PLAT: variants seen among roughly 807,000 people sequenced by gnomAD.
PLAT encodes plasminogen activator, tissue type, also known as tissue-type plasminogen activator.
In PLAT, 48 loss-of-function variants were observed where a neutral mutation model predicts 74.9. The observed-to-expected ratio is 0.64, with a 90% CI of 0.51 to 0.82. The LOEUF (loss-of-function observed/expected upper bound fraction) is 0.82, where lower values mean the gene tolerates loss of function less well. Among genes scored for constraint, PLAT ranks in the 40% least tolerant of loss-of-function variants. The pLI, the probability that PLAT is intolerant of heterozygous loss-of-function variation, is 0.00. For synonymous variants in PLAT, 307 were observed against 294.4 expected, an observed-to-expected ratio of 1.04 and a Z score of -0.44; for missense variants, 673 against 736.2, an observed-to-expected ratio of 0.91 and a Z score of 0.99.
chr8:42,205,682 C>T (rs3020638), intron 1 of PLAT, among the ~76,000 whole-genome samples: 6 of 152,202 alleles, frequency 3.9e-5, no homozygotes, highest in Non-Finnish European at 7.3e-5. Context: ...GCCCCTACTT[C>T]GAGTTGTCCT....
intron 4 of PLAT, 84 bp downstream of exon 4, chr8:42,188,849 TC>T (rs1277130661): frequency 1.7e-6 from 2 of 1,204,154 alleles, no homozygotes; most frequent in African/African-American, 1.5e-5. Context: ...GGTCTTGAAC[TC>T]CCGGGCTCCA....
intron 1 of PLAT, among the ~76,000 whole-genome samples, chr8:42,202,470 G>A (rs1439579947): frequency 3.9e-5 from 6 of 152,092 alleles, no homozygotes; most frequent in Non-Finnish European, 7.4e-5. Flanking sequence ...AAGCTGCAGG[G>A]ATGTCCTCCT....
At chr8:42,192,481 G>A (rs1805724899) in intron 2 of PLAT, among the ~76,000 whole-genome samples, 1 of 152,186 alleles carries the variant, frequency 6.6e-6, no homozygotes, top group Admixed American at 6.5e-5. Context: ...GCTGCAGTGA[G>A]CTATGATTGT....
In PLAT at chr8:42,191,404, G is replaced by A; in HGVS notation, c.83C>T (p.Ala28Val). ...VFVSPSQEIHARFRRGARSYQ... is the reference protein window; with the variant it reads ...VFVSPSQEIHVRFRRGARSYQ... ...AGATCTGGCTCCTCTTCTGAATCGG[G>A]CATGGATTTCCTGCGAAGAAACCAG... Residue 28 changes from alanine (A) to valine (V), a missense_variant, in exon 3 of 14, where the codon GCC becomes GTC. Ala to Val is a moderately conservative substitution (Grantham distance 64). Coordinates refer to ENST00000220809, the MANE Select transcript of PLAT (RefSeq NM_000930.5). 8 of 1,614,054 alleles carry A rather than the reference G, an allele frequency of 5.0e-6. No homozygotes were observed. Among genetic ancestry groups the A allele is most frequent in the Non-Finnish European group, 6.8e-6 (8 of 1,179,930 alleles).
chr8:42,180,702 G>C lies in PLAT; in HGVS notation c.890-17C>G, dbSNP rs1417625656. The C allele has an allele frequency of 1.9e-6, 3 of 1,546,392 alleles. No individual in the cohort carries two copies. The highest frequency in any genetic ancestry group is 1.3e-5 in the South Asian group (1 of 79,612). On this transcript the variant is annotated splice_polypyrimidine_tract_variant and intron_variant, in intron 9 of 13. Coordinates refer to ENST00000220809, the MANE Select transcript of PLAT (RefSeq NM_000930.5). ...CGCAGGTGGCTGGGGAGGAAAGGAC[G>C]AGGAGGCAGTCAGTCCCACAGGCCT...
In PLAT at chr8:42,180,297, G is replaced by A. The variant is rs8178781; in HGVS notation, c.1167C>T (p.Val389=). Residue 389 remains valine, a synonymous_variant, in exon 11 of 14, where the codon GTC becomes GTT. Transcript: ENST00000220809. Reference sequence around the variant, plus strand: ...ATTCCTTATGGACAATGTATTTTTCGACTTCAAATTTCTGCTCCTCCTCGC... The same window carrying A: ...ATTCCTTATGGACAATGTATTTTTCAACTTCAAATTTCTGCTCCTCCTCGC... ...VPGEEEQKFE[V]EKYIVHKEFD... is the part of the protein sequence containing the mutation. The A allele has an allele frequency of 6.2e-7, 1 of 1,614,022 alleles. No homozygotes were observed. The highest frequency in any genetic ancestry group is 8.5e-7 in the Non-Finnish European group (1 of 1,179,994).
intron 1 of PLAT, among the ~76,000 whole-genome samples, chr8:42,200,832 C>CTT (rs939148071): frequency 6.8e-6 from 1 of 146,914 alleles, no homozygotes. Context: ...CCAATTGTAA[C>CTT]TTTTTTTTTT....
At chr8:42,183,846 T>C (rs1045610905) in intron 7 of PLAT, among the ~76,000 whole-genome samples, 4 of 152,126 alleles carry the variant, frequency 2.6e-5, no homozygotes, top group African/African-American at 9.7e-5. Context: ...CCCGTGGACC[T>C]GGGTGCTGAA....
chr8:42,193,318 G>T (rs1027239912), intron 1 of PLAT, 107 bp from the exon 2 acceptor site: 10 of 686,028 alleles, frequency 1.5e-5, no homozygotes, highest in Non-Finnish European at 2.3e-5. Flanking sequence ...TCCAGTGCCA[G>T]CCCCGCGGCA....
At chr8:42,188,088 C>T in intron 4 of PLAT, 72 bp from the exon 5 acceptor site, 1 of 864,202 alleles carries the variant, frequency 1.2e-6, no homozygotes, top group Non-Finnish European at 1.9e-6. Flanking sequence ...TTCCAGGAGC[C>T]CTGTCTACCA....
Position 42,179,906 on chromosome 8 carries a change from C to T in PLAT, c.1363+20G>A, listed in dbSNP as rs2129700301. Reference sequence around the variant, plus strand: ...TGCTGTCCCGCAGACAGGATGGGGCCGAGACTTCCTTCCACTTACAGGCCT... The same window carrying T: ...TGCTGTCCCGCAGACAGGATGGGGCTGAGACTTCCTTCCACTTACAGGCCT... On this transcript the variant is annotated intron_variant, in intron 12 of 13. Transcript: ENST00000220809. 2 of 1,561,614 alleles carry T rather than the reference C, an allele frequency of 1.3e-6. No homozygotes were observed. Among genetic ancestry groups the T allele is most frequent in the South Asian group, 1.2e-5 (1 of 83,874 alleles).
Position 42,188,998 on chromosome 8 carries a change from G to A in PLAT, c.189C>T (p.Ser63=), listed in dbSNP as rs747733163. 9.3e-6 allele frequency: 15 copies of A among 1,613,940 alleles called. No individual in the cohort carries two copies. The South Asian group carries it at 1.5e-4, about 17-fold the overall frequency. ...TGCACCAGCAATATTCCACCCGGTTGCTTCTGAGCACAGGGCGCAGCCATG... is the reference window on the plus strand; with the variant it reads ...TGCACCAGCAATATTCCACCCGGTTACTTCTGAGCACAGGGCGCAGCCATG... ...HQSWLRPVLR[S]NRVEYCWCNS... Residue 63 remains serine (S), a synonymous_variant, in exon 4 of 14, where the codon AGC becomes AGT. Transcript: ENST00000220809.
rs8178780 is a variant in PLAT, at chr8:42,180,454, A to C, written c.1085+36T>G. Reference sequence around the variant, plus strand: ...AAAGGGCTTGGTTTCTAGGCGTTAGAGGGTGGAAAAACCAACTGGGTTTCC... The same window carrying C: ...AAAGGGCTTGGTTTCTAGGCGTTAGCGGGTGGAAAAACCAACTGGGTTTCC... On this transcript the variant is annotated intron_variant, in intron 10 of 13. Coordinates refer to ENST00000220809, the MANE Select transcript of PLAT (RefSeq NM_000930.5). 33 of 1,613,674 alleles carry C rather than the reference A, an allele frequency of 2.0e-5. No individual in the cohort carries two copies. The African/African-American group carries it at 3.7e-4, about 18-fold the overall frequency.
chr8:42,180,166 G>A, intron 11 of PLAT, 76 bp downstream of exon 11: 1 of 1,596,184 alleles, frequency 6.3e-7, no homozygotes, highest in Non-Finnish European at 8.6e-7. Flanking sequence ...AGGCCCGTGT[G>A]TGTAAACATA....
chr8:42,187,030 C>CT (rs55946077), intron 6 of PLAT: 3 of 177,010 alleles, frequency 1.7e-5, no homozygotes, highest in Non-Finnish European at 3.5e-5. Context: ...TATCATCTAT[C>CT]ATCTATCCAT....
intron 12 of PLAT, among the ~76,000 whole-genome samples, chr8:42,179,437 G>C (rs1805121238): frequency 6.6e-6 from 1 of 152,114 alleles, no homozygotes; most frequent in African/African-American, 2.4e-5. Context: ...AACGTTTCCT[G>C]GGGGACAAAA....
intron 1 of PLAT, among the ~76,000 whole-genome samples, chr8:42,195,013 G>A (rs578126434): frequency 6.6e-6 from 1 of 152,266 alleles, no homozygotes; most frequent in Admixed American, 6.5e-5. Context: ...TTATTTTGTG[G>A]TCTGGCGGCC....
At chr8:42,187,102 A>G (rs1346891424) in intron 6 of PLAT, 2 of 284,840 alleles carry the variant, frequency 7.0e-6, no homozygotes, top group Middle Eastern at 9.5e-4. Flanking sequence ...TCAATCATCT[A>G]TCAATCTATC....
chr8:42,203,795 C>G (rs1166853362), intron 1 of PLAT, among the ~76,000 whole-genome samples: 1 of 151,756 alleles, frequency 6.6e-6, no homozygotes. Flanking sequence ...CAAAACTCTG[C>G]TTCTACAAAA....
Sources: gnomAD v4.1 joint callset for allele counts (sites outside exome capture counted in the v4.1 genomes callset) on GRCh38, gnomAD v4.1.1 for gene constraint, MANE v1.5 for transcripts, NCBI Gene and HGNC (gene_info 2026-07-23, HGNC 2026-07-21) for gene names.